The following CCDC97 variants were observed in gnomAD, a reference collection of about 807,000 sequenced individuals.
The protein encoded by CCDC97 is coiled-coil domain containing 97.
A neutral mutation model predicts 33.9 loss-of-function variants in CCDC97; 27 were observed. That is an observed-to-expected ratio of 0.80 (90% confidence interval 0.59 to 1.10). CCDC97 has a LOEUF of 1.10. CCDC97 is among the 50% of genes least tolerant of loss of function. The probability of loss-of-function intolerance (pLI) is 0.00; values close to 1 mark genes in which losing one functional copy is unlikely to be tolerated. For synonymous variants in CCDC97, 217 were observed against 194.0 expected (o/e 1.12, Z -0.99); for missense variants, 422 against 476.6 (o/e 0.89, Z 1.07).
chr19:41,319,407 C>G (rs570313565), intron 2 of CCDC97, among the ~76,000 whole-genome samples, 167 bp from the exon 3 acceptor site: 3 of 152,158 alleles, frequency 2.0e-5, no homozygotes, highest in Non-Finnish European at 2.9e-5. Context: ...TGAGTACTCA[C>G]GCGCACCTCA....
At chr19:41,316,143 T>C (rs2037743015) in intron 1 of CCDC97, among the ~76,000 whole-genome samples, 1 of 152,148 alleles carries the variant, frequency 6.6e-6, no homozygotes, top group Admixed American at 6.5e-5. Context: ...CCTCCTTCCC[T>C]GTTTATTTTT....
Position 41,323,079 on chromosome 19 carries a change from A to G in CCDC97, c.*364A>G, listed in dbSNP as rs958447733. 1 of 163,408 alleles carries G rather than the reference A, an allele frequency of 6.1e-6. No individual in the cohort carries two copies. Among genetic ancestry groups the G allele is most frequent in the African/African-American group, 2.4e-5 (1 of 40,948 alleles). The allele number at this position is 163,408 out of a possible 1,614,324, so 10.1% of individuals were successfully genotyped here. On this transcript the variant is annotated 3_prime_UTR_variant, in exon 5 of 5. Transcript: ENST00000269967. The stretch of plus-strand genomic sequence containing the variant: ...TCTCTCTGCCTTAGGCTCTGTCTCC[A>G]CCGCAGGGCCCAAGGTGAAAGTCCT...
In CCDC97 at chr19:41,319,851, A is replaced by G. The variant is rs755021674; in HGVS notation, c.780A>G (p.Glu260=). 7 of 1,435,794 alleles carry G rather than the reference A, an allele frequency of 4.9e-6. No individual in the cohort carries two copies. Among genetic ancestry groups the G allele is most frequent in the Non-Finnish European group, 6.7e-6 (7 of 1,037,452 alleles). 88.9% of individuals were successfully genotyped at this position (1,435,794 alleles called of 1,614,324 possible). The change falls in exon 3 of 5, where the codon GAA becomes GAG. Residue 260 remains glutamate, a splice_region_variant and synonymous_variant. Transcript: ENST00000269967. ...EEEEEEDSDE[E]DQRSGKDSEA... ...AAGAGGAGGAGGACAGTGACGAGGA[A>G]GGTGAGGGCCAGTAGCAGGAAGACC...
intron 1 of CCDC97, among the ~76,000 whole-genome samples, chr19:41,311,991 GA>G (rs1365307046): frequency 6.6e-6 from 1 of 152,162 alleles, no homozygotes; most frequent in African/African-American, 2.4e-5. Flanking sequence ...TCCTGCTCAC[GA>G]CTGTCTGACT....
chr19:41,310,587 A>G (rs2123049453), intron 1 of CCDC97: 5 of 985,140 alleles, frequency 5.1e-6, no homozygotes, highest in East Asian at 1.1e-4. Context: ...TTCCAGACCA[A>G]TCCTTTCCAT....
chr19:41,316,712 C>T lies in CCDC97; in HGVS notation c.375C>T (p.His125=), dbSNP rs149083553. ...AGGAGCATCTGGCCTGCTTTGGCCACGTGCGTGGCGACCACCGTGCAGACT... is the reference window on the plus strand; with the variant it reads ...AGGAGCATCTGGCCTGCTTTGGCCATGTGCGTGGCGACCACCGTGCAGACT... ...LREEHLACFG[H]VRGDHRADFY... Residue 125 remains histidine (H), a synonymous_variant, in exon 2 of 5, where the codon CAC becomes CAT. Coordinates refer to ENST00000269967, the MANE Select transcript of CCDC97 (RefSeq NM_052848.3). 3.8e-4 allele frequency: 612 copies of T among 1,613,656 alleles called. 3 individuals are homozygous for T. The African/African-American group carries it at 6.5e-3, about 17-fold the overall frequency.
intron 1 of CCDC97, among the ~76,000 whole-genome samples, chr19:41,312,305 G>T (rs137994152): frequency 2.0e-5 from 3 of 152,156 alleles, no homozygotes; most frequent in East Asian, 3.9e-4. Context: ...GGCTGGCCTC[G>T]AACTTCTGAC....
rs1419838458 is a variant in CCDC97 at position 41,310,285 on chromosome 19, C to T, written c.-26C>T. On this transcript the variant is annotated 5_prime_UTR_variant, in exon 1 of 5. Coordinates refer to ENST00000269967, the MANE Select transcript of CCDC97 (RefSeq NM_052848.3). ...AGGTTAGTGTGCGGGGCCCGCCGGG[C>T]GGTTGAAAAGTCCGAGAGAATCAGG... is the stretch of plus-strand genomic sequence containing the variant. 6.3e-7 allele frequency: 1 copy of T among 1,589,588 alleles called. No homozygotes were observed. Among genetic ancestry groups the T allele is most frequent in the Non-Finnish European group, 8.6e-7 (1 of 1,168,312 alleles).
In CCDC97 at chr19:41,316,371, C is replaced by G. The variant is rs770320547; in HGVS notation, c.47-13C>G. ...CTCCCATCTCTGAACTAACCAATCT[C>G]TCCTTTCCTCAGGCTGCATAGAGCC... is the stretch of plus-strand genomic sequence containing the variant. On this transcript the variant is annotated splice_polypyrimidine_tract_variant and intron_variant, in intron 1 of 4. Transcript: ENST00000269967. 9 of 1,601,404 alleles carry G rather than the reference C, an allele frequency of 5.6e-6. No individual in the cohort carries two copies. In the South Asian group the frequency reaches 1.0e-4, roughly 18 times the overall value.
rs138920679 is a variant in CCDC97 at position 41,316,446 on chromosome 19, C to A, written c.109C>A (p.Pro37Thr). Residue 37 changes from proline (P) to threonine (T), a missense_variant, in exon 2 of 5, where the codon CCC becomes ACC. By Grantham distance (38) the Pro-to-Thr change is conservative. Coordinates refer to ENST00000269967, the MANE Select transcript of CCDC97 (RefSeq NM_052848.3). Reference protein sequence around the residue: ...ELSRTPVPSKPQDKVEAAEAT... With the variant: ...ELSRTPVPSKTQDKVEAAEAT... Reference sequence around the variant, plus strand: ...GAGCCGGACACCAGTCCCATCTAAACCCCAGGACAAAGTGGAAGCAGCTGA... The same window carrying A: ...GAGCCGGACACCAGTCCCATCTAAAACCCAGGACAAAGTGGAAGCAGCTGA... 1.2e-6 allele frequency: 2 copies of A among 1,614,208 alleles called. No individual in the cohort carries two copies. Among genetic ancestry groups the A allele is most frequent in the South Asian group, 2.2e-5 (2 of 91,080 alleles).
At chr19:41,310,594 C>T (rs971157052) in intron 1 of CCDC97, 1 of 985,274 alleles carries the variant, frequency 1.0e-6, no homozygotes, top group East Asian at 1.1e-4. Context: ...CCAATCCTTT[C>T]CATGTCCCTA....
intron 1 of CCDC97, among the ~76,000 whole-genome samples, chr19:41,315,076 T>C (rs1012900270): frequency 3.1e-5 from 4 of 130,238 alleles, no homozygotes; most frequent in South Asian, 4.9e-4. Flanking sequence ...CCGAGGCGGG[T>C]GGATCACGAG....
chr19:41,317,276 A>AG (rs2037760468), intron 2 of CCDC97, among the ~76,000 whole-genome samples: 1 of 152,212 alleles, frequency 6.6e-6, no homozygotes, highest in African/African-American at 2.4e-5. Context: ...AAAACCATGA[A>AG]GGAAAAAAAA....
In CCDC97 at chr19:41,316,778, C is replaced by T; in HGVS notation, c.441C>T (p.Pro147=). The part of the protein sequence containing the change: ...AEVARQGTAR[P]RTLRTRLRNR... ...TGGCCCGGCAGGGCACTGCCCGGCCCCGCACCCTGCGTACCCGCCTGCGTA... is the reference window on the plus strand; with the variant it reads ...TGGCCCGGCAGGGCACTGCCCGGCCTCGCACCCTGCGTACCCGCCTGCGTA... The change falls in exon 2 of 5, where the codon CCC becomes CCT. Residue 147 remains proline, a synonymous_variant. Coordinates refer to ENST00000269967, the MANE Select transcript of CCDC97 (RefSeq NM_052848.3). The T allele has an allele frequency of 1.2e-6, 2 of 1,609,362 alleles. No individual in the cohort carries two copies. Among genetic ancestry groups the T allele is most frequent in the Non-Finnish European group, 1.7e-6 (2 of 1,176,604 alleles).
chr19:41,310,504 A>C (rs2037670024), intron 1 of CCDC97, 148 bp downstream of exon 1: 1 of 1,465,876 alleles, frequency 6.8e-7, no homozygotes, highest in Admixed American at 2.4e-5. Flanking sequence ...CTTTGCCCAG[A>C]TTATTCCCTC....
chr19:41,316,940 C>A, intron 2 of CCDC97, 101 bp downstream of exon 2: 1 of 932,680 alleles, frequency 1.1e-6, no homozygotes, highest in Non-Finnish European at 1.6e-6. Flanking sequence ...AGACAGAGAT[C>A]CTGGGAGAGA....
chr19:41,313,994 C>T (rs1399947232), intron 1 of CCDC97, among the ~76,000 whole-genome samples: 1 of 152,086 alleles, frequency 6.6e-6, no homozygotes, highest in Non-Finnish European at 1.5e-5. Flanking sequence ...CCATGGTGCC[C>T]AGCCAGCTTT....
chr19:41,310,610 T>G, intron 1 of CCDC97: 1 of 985,382 alleles, frequency 1.0e-6, no homozygotes, highest in Non-Finnish European at 1.2e-6. Flanking sequence ...CCCTAATTCA[T>G]TTCCTTACCA....
In CCDC97 at chr19:41,323,212, C is replaced by CT. The variant is rs1190461742; in HGVS notation, c.*498dup. The CT allele has an allele frequency of 1.3e-5, 2 of 158,326 alleles. No homozygotes were observed. The highest frequency in any genetic ancestry group is 2.8e-5 in the Non-Finnish European group (2 of 71,470). The allele number at this position is 158,326 out of a possible 1,614,324, so 9.8% of individuals were successfully genotyped here. A position where few individuals can be genotyped will look rare whatever the true frequency, so the allele number is the denominator to read the frequency against. On this transcript the variant is annotated 3_prime_UTR_variant, in exon 5 of 5. Transcript: ENST00000269967. ...CGCAGCTGCCTCCCGTGCTGTCTGT[C>CT]TCCCCCTCTCTGTTTATGTCTGCGC...
Sources: allele counts gnomAD v4.1 joint callset (sites outside exome capture counted in the v4.1 genomes callset), GRCh38; gene constraint gnomAD v4.1.1; transcripts MANE v1.5; gene names NCBI Gene and HGNC (gene_info 2026-07-23, HGNC 2026-07-21).